The following CSMD1 variants were observed in gnomAD, a reference collection of about 807,000 sequenced individuals.
CSMD1 encodes CUB and sushi domain-containing protein 1.
CSMD1 carries 213 observed loss-of-function variants against 417.5 expected under a neutral mutation model. The observed-to-expected ratio is 0.51, with a 90% CI of 0.46 to 0.57. The LOEUF is 0.57. Among genes scored for constraint, CSMD1 ranks in the 20% least tolerant of loss-of-function variants. The pLI is 0.00. For missense variants in CSMD1, 6,923 were observed against 4,529.7 expected (o/e 1.53, Z -15.17); for synonymous variants, 2,862 against 1,736.8 (o/e 1.65, Z -16.11).
intron 50 of CSMD1, among the ~76,000 whole-genome samples, chr8:3,031,846 A>C (rs1045819259): frequency 5.7e-5 from 8 of 140,034 alleles, no homozygotes; most frequent in African/African-American, 2.1e-4. Context: ...GGCTAGTTTG[A>C]TTATTTGCTC....
At chr8:3,827,748 C>T (rs190452219) in intron 5 of CSMD1, among the ~76,000 whole-genome samples, 15 of 152,278 alleles carry the variant, frequency 9.9e-5, no homozygotes, top group South Asian at 2.1e-4. Flanking sequence ...CTTCACTATA[C>T]GATAATGAAT....
intron 40 of CSMD1, among the ~76,000 whole-genome samples, chr8:3,151,038 T>C (rs1040807935): frequency 2.0e-5 from 3 of 152,148 alleles, no homozygotes; most frequent in African/African-American, 7.2e-5. Flanking sequence ...GCCTTCAGAA[T>C]TATCCAGAAG....
At chr8:4,378,057 ACTC>A (rs1429967003) in intron 3 of CSMD1, among the ~76,000 whole-genome samples, 2 of 152,176 alleles carry the variant, frequency 1.3e-5, no homozygotes, top group Admixed American at 1.3e-4. Context: ...AACACCCACT[ACTC>A]ATTCAATTAC....
intron 5 of CSMD1, among the ~76,000 whole-genome samples, chr8:3,774,462 T>G (rs143943995): frequency 6.6e-6 from 1 of 152,174 alleles, no homozygotes; most frequent in Non-Finnish European, 1.5e-5. Flanking sequence ...GTGTGCTTTG[T>G]TGCCTGGCTC....
At chr8:3,619,578 G>C (rs937947496) in intron 7 of CSMD1, among the ~76,000 whole-genome samples, 37 of 152,214 alleles carry the variant, frequency 2.4e-4, no homozygotes, top group African/African-American at 8.7e-4. Context: ...GAAAGACATA[G>C]ATGTACAAAT....
At chr8:4,622,854 A>G (rs1182763363) in intron 2 of CSMD1, among the ~76,000 whole-genome samples, 1 of 152,172 alleles carries the variant, frequency 6.6e-6, no homozygotes, top group Non-Finnish European at 1.5e-5. Flanking sequence ...GGTTGCCTCC[A>G]TAAAAATTTC....
chr8:3,520,996 C>A (rs547914333), intron 10 of CSMD1, among the ~76,000 whole-genome samples: 163 of 152,146 alleles, frequency 1.1e-3, no homozygotes, highest in Non-Finnish European at 1.9e-3. Context: ...AAGTCAAAGC[C>A]CTCTCTGGAG....
At chr8:3,551,601 T>TTC (rs1712097883) in intron 10 of CSMD1, among the ~76,000 whole-genome samples, 1 of 130,524 alleles carries the variant, frequency 7.7e-6, no homozygotes, top group South Asian at 2.4e-4. Context: ...TATATATTTT[T>TTC]TTTTTTTTTT....
chr8:4,830,623 G>A (rs1353896030), intron 1 of CSMD1, among the ~76,000 whole-genome samples: 1 of 152,208 alleles, frequency 6.6e-6, no homozygotes, highest in African/African-American at 2.4e-5. Flanking sequence ...ACTATGACTT[G>A]ATCGTGGTAG....
In CSMD1 at chr8:3,205,517, T is replaced by A; in HGVS notation, c.4971A>T (p.Val1657=). The change falls in exon 31 of 70, where the codon GTA becomes GTT. Residue 1657 remains valine, a synonymous_variant. Coordinates refer to ENST00000635120, the MANE Select transcript of CSMD1 (RefSeq NM_033225.6). ...GGACATCCTTACCGAATTCCTTTGG[T>A]ACCGTGATGGAATAGAGGCATATTT... ...AGQICLYSIT[V]PKEFVVFGQF... 1 of 1,548,898 alleles carries A rather than the reference T, an allele frequency of 6.5e-7. No individual in the cohort carries two copies. The highest frequency in any genetic ancestry group is 8.9e-7 in the Non-Finnish European group (1 of 1,129,588).
chr8:4,527,771 T>C (rs949539916), intron 2 of CSMD1, among the ~76,000 whole-genome samples: 2 of 152,216 alleles, frequency 1.3e-5, no homozygotes, highest in African/African-American at 4.8e-5. Flanking sequence ...ATCGTAGCTA[T>C]TCATTCTTTT....
chr8:3,231,130 C>T (rs1798811305), intron 26 of CSMD1, among the ~76,000 whole-genome samples: 1 of 152,110 alleles, frequency 6.6e-6, no homozygotes, highest in Admixed American at 6.5e-5. Flanking sequence ...ATACAGCAGC[C>T]TCAAGAAATA....
chr8:4,400,069 C>A (rs1404928711), intron 3 of CSMD1, among the ~76,000 whole-genome samples: 1 of 152,024 alleles, frequency 6.6e-6, no homozygotes, highest in South Asian at 2.1e-4. Context: ...TATCAGCATG[C>A]CAAAAGAGAG....
In CSMD1 at chr8:3,945,178, C is replaced by CAA. The variant is rs138900503; in HGVS notation, c.818+52723_818+52724dup. On this transcript the variant is annotated intron_variant, in intron 5 of 69. Coordinates refer to ENST00000635120, the MANE Select transcript of CSMD1 (RefSeq NM_033225.6). ...GCCAATAATTTGACCATGAGAAAGA[C>CAA]AAAAAAAAAAAAAAAAAAACAGAAG... Among the ~76,000 whole-genome samples the CAA allele has an allele frequency of 7.2e-3, 853 of 118,904 alleles. 14 individuals carry two copies. Among genetic ancestry groups the CAA allele is most frequent in the Admixed American group, 0.036 (401 of 11,258 alleles). 78.0% of individuals were successfully genotyped at this position (118,904 alleles called of 152,430 possible).
intron 2 of CSMD1, among the ~76,000 whole-genome samples, chr8:4,602,649 G>T (rs1400828099): frequency 6.6e-6 from 1 of 152,070 alleles, no homozygotes; most frequent in Non-Finnish European, 1.5e-5. Context: ...ATCATGTTAG[G>T]GCAAGTGGCA....
intron 26 of CSMD1, among the ~76,000 whole-genome samples, chr8:3,274,830 G>T (rs183842835): frequency 6.6e-6 from 1 of 152,182 alleles, no homozygotes; most frequent in African/African-American, 2.4e-5. Flanking sequence ...GTCTGTACCC[G>T]TGAGATGTGT....
At chr8:4,370,325 G>T (rs914248486) in intron 3 of CSMD1, among the ~76,000 whole-genome samples, 5 of 138,496 alleles carry the variant, frequency 3.6e-5, no homozygotes, top group Non-Finnish European at 8.5e-5. Context: ...AGCCTGATGG[G>T]GGTCCCTTTG....
At chr8:4,194,285 T>C (rs1204539735) in intron 3 of CSMD1, among the ~76,000 whole-genome samples, 1 of 152,106 alleles carries the variant, frequency 6.6e-6, no homozygotes, top group Non-Finnish European at 1.5e-5. Flanking sequence ...GAAGGAATAA[T>C]ATAAAATGTT....
intron 2 of CSMD1, among the ~76,000 whole-genome samples, chr8:4,520,781 T>C (rs1803403348): frequency 6.6e-6 from 1 of 152,210 alleles, no homozygotes. Context: ...ATATAGATTA[T>C]TGCAATGAAA....
Sources: allele counts gnomAD v4.1 joint callset (sites outside exome capture counted in the v4.1 genomes callset), GRCh38; gene constraint gnomAD v4.1.1; transcripts MANE v1.5; gene names NCBI Gene and HGNC (gene_info 2026-07-23, HGNC 2026-07-21).